PRDM10: variants seen among roughly 807,000 people sequenced by gnomAD.
PRDM10 encodes PR domain zinc finger protein 10.
A neutral mutation model predicts 133.1 loss-of-function variants in PRDM10; 65 were observed. The ratio of observed to expected loss-of-function variants is 0.49; its 90% CI spans 0.40 to 0.60. The LOEUF (loss-of-function observed/expected upper bound fraction) is 0.60, where lower values mean the gene tolerates loss of function less well. Among genes scored for constraint, PRDM10 ranks in the 20% least tolerant of loss-of-function variants. PRDM10 has a pLI of 0.00. For missense variants in PRDM10, 1,137 were observed against 1,507.1 expected (o/e 0.75, Z 4.07); for synonymous variants, 582 against 580.4 (o/e 1.00, Z -0.04).
At chr11:129,930,864 C>A in intron 11 of PRDM10, 152 bp downstream of exon 11, 1 of 1,245,664 alleles carries the variant, frequency 8.0e-7, no homozygotes, top group Non-Finnish European at 1.1e-6. Flanking sequence ...AAATAGTGAA[C>A]ACTTTCTTTC....
chr11:129,943,397 A>C (rs1951278294), intron 6 of PRDM10, among the ~76,000 whole-genome samples: 1 of 152,264 alleles, frequency 6.6e-6, no homozygotes, highest in African/African-American at 2.4e-5. Context: ...TAAAGAAAGC[A>C]AGCCCCTGTT....
chr11:129,917,083 C>T, intron 15 of PRDM10, 44 bp downstream of exon 15: 1 of 1,426,564 alleles, frequency 7.0e-7, no homozygotes, highest in Middle Eastern at 1.8e-4. Context: ...CAGCTCTAAG[C>T]AGGGAACCCC....
At chr11:129,978,398 G>T (rs1937907816) in intron 1 of PRDM10, among the ~76,000 whole-genome samples, 1 of 152,232 alleles carries the variant, frequency 6.6e-6, no homozygotes, top group Non-Finnish European at 1.5e-5. Context: ...ATATGAGACT[G>T]AGCTATGTGT....
chr11:129,958,067 C>G (rs1345409259), intron 2 of PRDM10, among the ~76,000 whole-genome samples, 157 bp from the exon 3 acceptor site: 1 of 152,168 alleles, frequency 6.6e-6, no homozygotes, highest in African/African-American at 2.4e-5. Context: ...ATGCAAGGAC[C>G]TTGTCATTGA....
chr11:129,961,751 T>A (rs1421960717), intron 1 of PRDM10, among the ~76,000 whole-genome samples: 1 of 152,106 alleles, frequency 6.6e-6, no homozygotes, highest in Admixed American at 6.5e-5. Flanking sequence ...GCATGCTTGC[T>A]ATGTTCTAAA....
intron 1 of PRDM10, among the ~76,000 whole-genome samples, chr11:129,975,131 T>G (rs1937682082): frequency 6.6e-6 from 1 of 152,122 alleles, no homozygotes; most frequent in African/African-American, 2.4e-5. Context: ...TTAATGCCAC[T>G]AAATTTTACA....
chr11:129,927,498 C>A (rs1950720287), intron 11 of PRDM10, among the ~76,000 whole-genome samples: 1 of 152,188 alleles, frequency 6.6e-6, no homozygotes, highest in South Asian at 2.1e-4. Flanking sequence ...TGTGGTCCCA[C>A]TGAGGATGCC....
chr11:129,902,755 G>C (rs1949882314), intron 20 of PRDM10, among the ~76,000 whole-genome samples: 1 of 152,108 alleles, frequency 6.6e-6, no homozygotes, highest in East Asian at 1.9e-4. Flanking sequence ...ACAACTTCAG[G>C]TACAGTAATT....
intron 1 of PRDM10, among the ~76,000 whole-genome samples, chr11:129,963,514 C>G (rs1381273803): frequency 1.3e-5 from 2 of 151,856 alleles, no homozygotes; most frequent in Non-Finnish European, 2.9e-5. Flanking sequence ...TTTGAAATAA[C>G]TTCAGACATA....
chr11:129,948,993 G>C (rs975639683), intron 4 of PRDM10, among the ~76,000 whole-genome samples: 1 of 152,144 alleles, frequency 6.6e-6, no homozygotes, highest in South Asian at 2.1e-4. Flanking sequence ...GGGGGATTTT[G>C]CATTTATCTC....
At chr11:129,990,173 G>A (rs537292574) in intron 1 of PRDM10, among the ~76,000 whole-genome samples, 94 of 151,900 alleles carry the variant, frequency 6.2e-4, no homozygotes, top group African/African-American at 2.2e-3. Flanking sequence ...GTGAAACTCC[G>A]TCTCTACTAA....
chr11:129,917,286 A>C, intron 14 of PRDM10, 49 bp from the exon 15 acceptor site: 5 of 1,388,826 alleles, frequency 3.6e-6, no homozygotes, highest in Non-Finnish European at 5.0e-6. Context: ...CCATTAACCA[A>C]ACAGAAGCTA....
chr11:129,994,751 A>AAG (rs1938957408), intron 1 of PRDM10, among the ~76,000 whole-genome samples: 1 of 151,976 alleles, frequency 6.6e-6, no homozygotes, highest in Non-Finnish European at 1.5e-5. Context: ...TCCTGGGTTC[A>AAG]TGCCATTCTC....
In PRDM10 at chr11:129,923,995, C is replaced by A. The variant is rs950660335; in HGVS notation, c.1879-592G>T. ...GGCGTCACTTCTCAACTGGGACTTACTTCCCTTACTTTTAGATAAATAAAG... is the reference window on the plus strand; with the variant it reads ...GGCGTCACTTCTCAACTGGGACTTAATTCCCTTACTTTTAGATAAATAAAG... On this transcript the variant is annotated intron_variant, in intron 12 of 20. Transcript: ENST00000360871. The surrounding 1 kb of genome is among the most constrained non-coding windows in gnomAD (Gnocchi z 4.4). 2.6e-5 allele frequency among the ~76,000 whole-genome samples: 4 copies of A among 152,270 alleles called. No individual in the cohort carries two copies. Among genetic ancestry groups the A allele is most frequent in the Admixed American group, 2.6e-4 (4 of 15,294 alleles).
chr11:129,942,822 A>G (rs1435318385), intron 6 of PRDM10, among the ~76,000 whole-genome samples, 193 bp from the exon 7 acceptor site: 1 of 152,214 alleles, frequency 6.6e-6, no homozygotes, highest in African/African-American at 2.4e-5. Flanking sequence ...TGAAGCCTCA[A>G]CTGTAGGAAA....
At chr11:129,949,802 C>T (rs1197780504) in intron 4 of PRDM10, among the ~76,000 whole-genome samples, 4 of 151,746 alleles carry the variant, frequency 2.6e-5, no homozygotes, top group East Asian at 1.9e-4. Context: ...GGCATGGTAG[C>T]GGGTGCCTGT....
intron 1 of PRDM10, among the ~76,000 whole-genome samples, chr11:130,000,291 G>A (rs1939279947): frequency 6.6e-6 from 1 of 152,034 alleles, no homozygotes. Context: ...TGATCTGCCC[G>A]CCTCGCCTCC....
intron 4 of PRDM10, among the ~76,000 whole-genome samples, chr11:129,952,224 G>A (rs929684894): frequency 2.0e-5 from 3 of 152,150 alleles, no homozygotes; most frequent in Admixed American, 6.5e-5. Flanking sequence ...AGTGCAAATG[G>A]CAACGAAGCC....
chr11:129,978,664 C>T (rs1207404193), intron 1 of PRDM10, among the ~76,000 whole-genome samples: 1 of 152,230 alleles, frequency 6.6e-6, no homozygotes, highest in Non-Finnish European at 1.5e-5. Flanking sequence ...TGCCACTTCC[C>T]ATGCAGAAAT....
Sources: allele counts gnomAD v4.1 joint callset (sites outside exome capture counted in the v4.1 genomes callset), GRCh38; gene constraint gnomAD v4.1.1; non-coding constraint Gnocchi (gnomAD v3.1); transcripts MANE v1.5; gene names NCBI Gene and HGNC (gene_info 2026-07-23, HGNC 2026-07-21).